KLF12: variants seen among roughly 807,000 people sequenced by gnomAD.
The protein encoded by KLF12 is Krueppel-like factor 12.
KLF12 carries 9 observed loss-of-function variants against 37.8 expected under a neutral mutation model. The ratio of observed to expected loss-of-function variants is 0.24; its 90% CI spans 0.14 to 0.42. The LOEUF is 0.42. Ranked by LOEUF, KLF12 falls within the 10% of genes least tolerant of loss-of-function variation. The pLI, the probability that KLF12 is intolerant of heterozygous loss-of-function variation, is 1.00. For missense variants in KLF12, 411 were observed against 516.0 expected (o/e 0.80, Z 1.97); for synonymous variants, 208 against 202.1 (o/e 1.03, Z -0.25).
At chr13:73,805,700 G>GGAAGGAAA in intron 5 of KLF12, among the ~76,000 whole-genome samples, 1 of 142,806 alleles carries the variant, frequency 7.0e-6, no homozygotes, top group African/African-American at 2.7e-5. Flanking sequence ...AAGGAAGGAA[G>GGAAGGAAA]GAAGGAAGGA....
rs1873629119 is a variant in KLF12, at chr13:73,688,522, CAA to C, written c.*6966_*6967del. ...ATGTCTATATTGGTGGAAAGGTATA[CAA>C]AGAGTTGAGGAACTGAGAAAGTGTA... On this transcript the variant is annotated 3_prime_UTR_variant, in exon 8 of 8. Coordinates refer to ENST00000377669, the MANE Select transcript of KLF12 (RefSeq NM_007249.5). 1 of 152,046 alleles carries C rather than the reference CAA, an allele frequency of 6.6e-6. No homozygotes were observed. The highest frequency in any genetic ancestry group is 6.6e-5 in the Admixed American group (1 of 15,250). The allele number at this position is 152,046 out of a possible 1,614,324, so 9.4% of individuals were successfully genotyped here.
At chr13:73,715,270 TACACAGGA>T in intron 7 of KLF12, 90 bp downstream of exon 7, 1 of 979,066 alleles carries the variant, frequency 1.0e-6, no homozygotes, top group South Asian at 1.7e-5. Context: ...ACTTGAGAGG[TACACAGGA>T]TGAATGAGTA....
intron 1 of KLF12, among the ~76,000 whole-genome samples, chr13:74,020,358 A>T (rs537860399): frequency 6.6e-6 from 1 of 152,294 alleles, no homozygotes; most frequent in South Asian, 2.1e-4. Context: ...CTACAGGGCA[A>T]ACCCTACAAA....
intron 7 of KLF12, among the ~76,000 whole-genome samples, chr13:73,699,814 G>A (rs977106046): frequency 6.6e-6 from 1 of 152,078 alleles, no homozygotes; most frequent in Non-Finnish European, 1.5e-5. Flanking sequence ...GTAGAGCAAG[G>A]GTTTGTCTGA....
chr13:73,951,452 C>T (rs763467632), intron 2 of KLF12, among the ~76,000 whole-genome samples: 1 of 152,080 alleles, frequency 6.6e-6, no homozygotes, highest in East Asian at 1.9e-4. Flanking sequence ...TTCAGGATGA[C>T]AATCTATTGT....
chr13:74,123,355 T>C (rs1414377294), intron 1 of KLF12, among the ~76,000 whole-genome samples: 1 of 152,204 alleles, frequency 6.6e-6, no homozygotes, highest in African/African-American at 2.4e-5. Flanking sequence ...GGCATAAATC[T>C]AAAAATATCC....
At chr13:74,127,918 T>C (rs1267685888) in intron 1 of KLF12, among the ~76,000 whole-genome samples, 1 of 152,204 alleles carries the variant, frequency 6.6e-6, no homozygotes, top group Non-Finnish European at 1.5e-5. Context: ...CTGCTTGAAA[T>C]TATAGTATAT....
At chr13:73,961,642 T>C (rs1412285941) in intron 2 of KLF12, among the ~76,000 whole-genome samples, 3 of 152,140 alleles carry the variant, frequency 2.0e-5, no homozygotes, top group African/African-American at 7.2e-5. Flanking sequence ...ATCTGCAATC[T>C]TACCTAAATT....
Position 73,695,622 on chromosome 13 carries a change from A to C in KLF12, c.1077T>G (p.Ala359=). The C allele has an allele frequency of 6.2e-7, 1 of 1,614,106 alleles. No individual in the cohort carries two copies. The highest frequency in any genetic ancestry group is 8.5e-7 in the Non-Finnish European group (1 of 1,179,962). Reference sequence around the variant, plus strand: ...AATGCCTCGTCAGTTCATCTGAACGAGCGAACTTCCAGGTGCAGCCTTCCC... The same window carrying C: ...AATGCCTCGTCAGTTCATCTGAACGCGCGAACTTCCAGGTGCAGCCTTCCC... Residue 359 remains alanine (A), a synonymous_variant, in exon 8 of 8, where the codon GCT becomes GCG. Coordinates refer to ENST00000377669, the MANE Select transcript of KLF12 (RefSeq NM_007249.5).
intron 1 of KLF12, among the ~76,000 whole-genome samples, chr13:74,015,951 G>A (rs1002574249): frequency 1.3e-5 from 2 of 152,078 alleles, no homozygotes; most frequent in Non-Finnish European, 2.9e-5. Flanking sequence ...AAAGGCATTA[G>A]AGATATGGAC....
the KLF12 span, among the ~76,000 whole-genome samples, chr13:74,162,137 T>C: frequency 4.6e-5 from 7 of 152,188 alleles, no homozygotes; most frequent in Admixed American, 3.3e-4. Context: ...AACTACAGAA[T>C]TGCAAGTCCA....
the KLF12 span, among the ~76,000 whole-genome samples, chr13:74,298,965 C>T: frequency 6.6e-6 from 1 of 152,060 alleles, no homozygotes; most frequent in Non-Finnish European, 1.5e-5. Context: ...GTTAGAGCAA[C>T]CTCAAAGAAC....
intron 7 of KLF12, among the ~76,000 whole-genome samples, chr13:73,709,912 C>G (rs907853220): frequency 5.3e-5 from 8 of 151,976 alleles, no homozygotes; most frequent in Non-Finnish European, 1.0e-4. Flanking sequence ...TCATCAATTA[C>G]CTGGCACAGA....
chr13:74,107,834 C>G (rs1253502968), intron 1 of KLF12, among the ~76,000 whole-genome samples: 1 of 152,180 alleles, frequency 6.6e-6, no homozygotes, highest in Non-Finnish European at 1.5e-5. Context: ...GGAAAATGAC[C>G]TTTAGATTCT....
At chr13:74,295,791 C>T in the KLF12 span, among the ~76,000 whole-genome samples, 1 of 151,864 alleles carries the variant, frequency 6.6e-6, no homozygotes, top group Non-Finnish European at 1.5e-5. Flanking sequence ...TACTGATCTC[C>T]ATTTTCTTTT....
intron 1 of KLF12, among the ~76,000 whole-genome samples, chr13:74,087,339 T>C (rs9600225): frequency 7.1e-6 from 1 of 140,036 alleles, no homozygotes; most frequent in Non-Finnish European, 1.5e-5. Flanking sequence ...TTAAAAAAAA[T>C]TTTTTTTTTT....
intron 2 of KLF12, among the ~76,000 whole-genome samples, chr13:73,957,611 G>C (rs1306605025): frequency 6.6e-6 from 1 of 152,162 alleles, no homozygotes; most frequent in Non-Finnish European, 1.5e-5. Context: ...AGATTGGCTG[G>C]ATAAGATCTT....
At chr13:73,967,449 T>TA (rs1305363521) in intron 2 of KLF12, among the ~76,000 whole-genome samples, 2 of 152,144 alleles carry the variant, frequency 1.3e-5, no homozygotes, top group Admixed American at 6.5e-5. Flanking sequence ...GTCAAGATTT[T>TA]AAAAAAGAAA....
the KLF12 span, among the ~76,000 whole-genome samples, chr13:74,242,128 G>C: frequency 1.3e-5 from 2 of 152,174 alleles, no homozygotes; most frequent in African/African-American, 2.4e-5. Flanking sequence ...ACTACTTACA[G>C]GAAGTATAGA....
Sources: allele counts gnomAD v4.1 joint callset (sites outside exome capture counted in the v4.1 genomes callset), GRCh38; gene constraint gnomAD v4.1.1; transcripts MANE v1.5; gene names NCBI Gene and HGNC (gene_info 2026-07-23, HGNC 2026-07-21).